GFRA1: variants seen among roughly 807,000 people sequenced by gnomAD.
The protein encoded by GFRA1 is GDNF family receptor alpha-1.
GFRA1 carries 16 observed loss-of-function variants against 51.6 expected under a neutral mutation model. That is an observed-to-expected ratio of 0.31 (90% CI 0.21 to 0.47). The LOEUF is 0.47. Ranked by LOEUF, GFRA1 falls within the 20% of genes least tolerant of loss-of-function variation. GFRA1 has a pLI of 1.00. For synonymous variants in GFRA1, 270 were observed against 241.3 expected, an observed-to-expected ratio of 1.12 and a Z score of -1.10; for missense variants, 530 against 594.3, an observed-to-expected ratio of 0.89 and a Z score of 1.13.
chr10:116,270,858 G>C lies in GFRA1; in HGVS notation c.298C>G (p.Leu100Val), dbSNP rs761588879. The C allele has an allele frequency of 6.2e-7, 1 of 1,613,856 alleles. No individual in the cohort carries two copies. Among genetic ancestry groups the C allele is most frequent in the Non-Finnish European group, 8.5e-7 (1 of 1,180,018 alleles). The change falls in exon 3 of 11, where the codon CTG (leucine) becomes GTG (valine). Residue 100 changes from leucine to valine, a missense_variant. By Grantham distance (32) the Leu-to-Val change is conservative. Transcript: ENST00000355422. ...TGGTACATGCTCCAGTAAATGCGCA[G>C]GCAGTTCTTCTCCTTCTTCATACCC... ...KRGMKKEKNCLRIYWSMYQSL... is the reference protein window; with the variant it reads ...KRGMKKEKNCVRIYWSMYQSL...
At chr10:116,083,011 C>T (rs753160061) in intron 9 of GFRA1, among the ~76,000 whole-genome samples, 1 of 152,126 alleles carries the variant, frequency 6.6e-6, no homozygotes, top group Non-Finnish European at 1.5e-5. Context: ...GTTCTTTATC[C>T]CTCACAAAAA....
At chr10:116,226,147 T>G (rs1020479324) in intron 4 of GFRA1, among the ~76,000 whole-genome samples, 1 of 152,194 alleles carries the variant, frequency 6.6e-6, no homozygotes, top group Admixed American at 6.5e-5. Context: ...TGAAGTCCAC[T>G]CAGCAGTTAT....
In GFRA1 at chr10:116,060,759, A is replaced by G. The variant is rs561324537; in HGVS notation, c.*3639T>C. The stretch of plus-strand genomic sequence containing the variant: ...AAAGAGAATTAGAACACGTGAATTC[A>G]TTTAAGCAGCCCTTTTCTGGTCCAC... On this transcript the variant is annotated 3_prime_UTR_variant, in exon 11 of 11. Coordinates refer to ENST00000355422, the MANE Select transcript of GFRA1 (RefSeq NM_005264.8). 6.6e-6 allele frequency: 1 copy of G among 152,364 alleles called. No individual in the cohort carries two copies. Among genetic ancestry groups the G allele is most frequent in the East Asian group, 1.9e-4 (1 of 5,186 alleles). The allele number at this position is 152,364 out of a possible 1,614,324, so 9.4% of individuals were successfully genotyped here.
At chr10:116,250,259 C>T (rs191130956) in intron 4 of GFRA1, among the ~76,000 whole-genome samples, 122 of 152,286 alleles carry the variant, frequency 8.0e-4, no homozygotes, top group African/African-American at 2.7e-3. Context: ...CCTGGGGCAT[C>T]GCCATTCTTT....
At chr10:116,230,140 A>G (rs1966587049) in intron 4 of GFRA1, among the ~76,000 whole-genome samples, 1 of 152,200 alleles carries the variant, frequency 6.6e-6, no homozygotes, top group African/African-American at 2.4e-5. Context: ...CCCAAAGGGC[A>G]TCATCAAAAA....
rs1436649974 is a variant in GFRA1 at position 116,059,026 on chromosome 10, G to A, written c.*5372C>T. The A allele has an allele frequency of 6.6e-6, 1 of 152,210 alleles. No homozygotes were observed. The highest frequency in any genetic ancestry group is 1.5e-5 in the Non-Finnish European group (1 of 68,050). The allele number at this position is 152,210 out of a possible 1,614,324, so 9.4% of individuals were successfully genotyped here. On this transcript the variant is annotated 3_prime_UTR_variant, in exon 11 of 11. Coordinates refer to ENST00000355422, the MANE Select transcript of GFRA1 (RefSeq NM_005264.8). ...CTCTCAGCAGGAAATGCCACGGGCA[G>A]ATTTAAAGTCACTTGGATCCCAGTG... is the stretch of plus-strand genomic sequence containing the variant.
chr10:116,231,965 A>G lies in GFRA1; in HGVS notation c.419-20320T>C, dbSNP rs186536651. Among the ~76,000 whole-genome samples the G allele has an allele frequency of 3.3e-5, 5 of 152,334 alleles. No homozygotes were observed. In the East Asian group the frequency reaches 9.6e-4, roughly 29 times the overall value. On this transcript the variant is annotated intron_variant, in intron 4 of 10. Transcript: ENST00000355422. Reference sequence around the variant, plus strand: ...GTCTAGAGTTGAACAAGTAGATGTTATTCCTGGGATCAAATTAAGAGCGCA... The same window carrying G: ...GTCTAGAGTTGAACAAGTAGATGTTGTTCCTGGGATCAAATTAAGAGCGCA...
At chr10:116,192,264 C>T (rs894104883) in intron 5 of GFRA1, among the ~76,000 whole-genome samples, 1 of 152,140 alleles carries the variant, frequency 6.6e-6, no homozygotes, top group African/African-American at 2.4e-5. Flanking sequence ...AATCTTCATT[C>T]CTACCAAAGA....
chr10:116,165,663 T>TCACACACACACA lies in GFRA1; in HGVS notation c.434-40107_434-40106insTGTGTGTGTGTG, dbSNP rs71475174. ...CTCTTTCATGTGCTCTTTCTCTCAC[T>TCACACACACACA]CTCACACACACACACACACACACAC... is the stretch of plus-strand genomic sequence containing the variant. On this transcript the variant is annotated intron_variant, in intron 5 of 10. Transcript: ENST00000355422. Among the ~76,000 whole-genome samples the TCACACACACACA allele has an allele frequency of 7.0e-5, 7 of 99,324 alleles. No individual in the cohort carries two copies. The South Asian group carries it at 1.2e-3, about 17-fold the overall frequency. 65.2% of individuals were successfully genotyped at this position (99,324 alleles called of 152,430 possible). A position where few individuals can be genotyped will look rare whatever the true frequency, so the allele number is the denominator to read the frequency against.
intron 4 of GFRA1, among the ~76,000 whole-genome samples, chr10:116,240,045 C>T (rs1414239588): frequency 1.3e-5 from 2 of 151,986 alleles, no homozygotes; most frequent in Non-Finnish European, 2.9e-5. Context: ...AGCAGGTGTT[C>T]GTCGATTTCT....
intron 5 of GFRA1, among the ~76,000 whole-genome samples, chr10:116,147,301 C>T (rs1487698033): frequency 2.0e-5 from 3 of 151,982 alleles, no homozygotes; most frequent in African/African-American, 7.3e-5. Flanking sequence ...GCCCTTTGGC[C>T]CTAGGGGGAG....
chr10:116,257,709 T>A (rs1968981189), intron 4 of GFRA1, among the ~76,000 whole-genome samples: 1 of 152,226 alleles, frequency 6.6e-6, no homozygotes, highest in African/African-American at 2.4e-5. Context: ...GTTGCTATTC[T>A]ACCATGTTGA....
At chr10:116,109,615 AC>A (rs1957127550) in intron 6 of GFRA1, among the ~76,000 whole-genome samples, 1 of 152,142 alleles carries the variant, frequency 6.6e-6, no homozygotes, top group South Asian at 2.1e-4. Context: ...AAGTGAGGAC[AC>A]AAAAGTCTTC....
intron 5 of GFRA1, among the ~76,000 whole-genome samples, chr10:116,166,456 C>T (rs1960413468): frequency 6.6e-6 from 1 of 152,178 alleles, no homozygotes; most frequent in African/African-American, 2.4e-5. Flanking sequence ...TACAACCGTT[C>T]CGTGGGACCA....
intron 5 of GFRA1, among the ~76,000 whole-genome samples, chr10:116,164,850 C>T (rs1472750711): frequency 6.6e-6 from 1 of 152,136 alleles, no homozygotes; most frequent in African/African-American, 2.4e-5. Context: ...ATTTTCTTTC[C>T]AGTTGCGGAG....
At chr10:116,076,173 A>G (rs1376078603) in intron 9 of GFRA1, among the ~76,000 whole-genome samples, 1 of 152,122 alleles carries the variant, frequency 6.6e-6, no homozygotes, top group African/African-American at 2.4e-5. Context: ...CTGGGGTACT[A>G]TAACATAGTA....
intron 5 of GFRA1, among the ~76,000 whole-genome samples, chr10:116,192,477 T>C (rs1450080721): frequency 1.3e-5 from 2 of 152,120 alleles, no homozygotes; most frequent in African/African-American, 4.8e-5. Flanking sequence ...TCATTCCAAA[T>C]CACATCAACA....
At chr10:116,212,397 GTAATCC>G in intron 4 of GFRA1, among the ~76,000 whole-genome samples, 1 of 152,048 alleles carries the variant, frequency 6.6e-6, no homozygotes, top group South Asian at 2.1e-4. Context: ...GTGGGTGCCT[GTAATCC>G]CATCTACTCG....
At position 116,255,762 on chromosome 10, in the gene GFRA1, T is replaced by C; in HGVS notation, c.418+13741A>G. 4.7e-6 allele frequency: 6 copies of C among 1,286,396 alleles called. No individual in the cohort carries two copies. In the South Asian group the frequency reaches 7.4e-5, roughly 16 times the overall value. 79.7% of individuals were successfully genotyped at this position (1,286,396 alleles called of 1,614,324 possible). ...TTACATGGCATTGCACTCTGCACTT[T>C]CTGGCCCACCACCATCTCCCCAGCA... On this transcript the variant is annotated intron_variant, in intron 4 of 10. Transcript: ENST00000355422.
Sources: gnomAD v4.1 joint callset for allele counts (sites outside exome capture counted in the v4.1 genomes callset) on GRCh38, gnomAD v4.1.1 for gene constraint, MANE v1.5 for transcripts, NCBI Gene and HGNC (gene_info 2026-07-23, HGNC 2026-07-21) for gene names.